The following UBE4B variants were observed in gnomAD, a reference collection of about 807,000 sequenced individuals.
The protein encoded by UBE4B is ubiquitination factor E4B.
UBE4B carries 27 observed loss-of-function variants against 148.1 expected under a neutral mutation model. The ratio of observed to expected loss-of-function variants is 0.18; its 90% CI spans 0.13 to 0.25. UBE4B has a LOEUF of 0.25. Ranked by LOEUF, UBE4B falls within the 10% of genes least tolerant of loss-of-function variation. The probability of loss-of-function intolerance (pLI) is 1.00; values close to 1 mark genes in which losing one functional copy is unlikely to be tolerated. For synonymous variants in UBE4B, 596 were observed against 619.3 expected (o/e 0.96, Z 0.56); for missense variants, 1,170 against 1,662.4 (o/e 0.70, Z 5.15).
chr1:10,151,739 G>A (rs935748469), intron 21 of UBE4B, among the ~76,000 whole-genome samples, 178 bp downstream of exon 21: 1 of 152,108 alleles, frequency 6.6e-6, no homozygotes, highest in South Asian at 2.1e-4. Flanking sequence ...TGAGTAGTTA[G>A]GAATAGGACA....
At position 10,094,476 on chromosome 1, in the gene UBE4B, C is replaced by G. The variant is rs1644897797; in HGVS notation, c.212-985C>G. Among the ~76,000 whole-genome samples, 4 of 151,334 alleles carry G rather than the reference C, an allele frequency of 2.6e-5. No homozygotes were observed. The South Asian group carries it at 8.3e-4, about 32-fold the overall frequency. On this transcript the variant is annotated intron_variant, in intron 2 of 27. Transcript: ENST00000343090. ...TTAGACGGAGTCTTGCTCTGTTGCC[C>G]AGGCTGGAGTGCAATGGCGCAATCT...
chr1:10,048,874 A>G (rs1443779553), intron 1 of UBE4B, among the ~76,000 whole-genome samples: 1 of 152,178 alleles, frequency 6.6e-6, no homozygotes, highest in Admixed American at 6.5e-5. Context: ...AGGTGACAGG[A>G]AAATGTGGTG....
intron 11 of UBE4B, chr1:10,128,308 TTCATTTTGTGC>T (rs1645535582): frequency 1.3e-5 from 2 of 152,242 alleles, no homozygotes; most frequent in African/African-American, 4.8e-5. Context: ...AGACAGTGAT[TTCATTTTGTGC>T]CATTATTGAT....
chr1:10,173,963 C>G (rs1557617962), intron 25 of UBE4B, among the ~76,000 whole-genome samples: 1 of 152,178 alleles, frequency 6.6e-6, no homozygotes, highest in Non-Finnish European at 1.5e-5. Flanking sequence ...CCTCTGGTGG[C>G]ACCTGGCTTG....
At chr1:10,130,901 G>A in intron 14 of UBE4B, 88 bp downstream of exon 14, 2 of 1,160,392 alleles carry the variant, frequency 1.7e-6, no homozygotes, top group South Asian at 2.6e-5. Context: ...ACTATGCCCA[G>A]TAGACAAACG....
chr1:10,138,804 C>CTA lies in UBE4B; in HGVS notation c.2363+1599_2363+1600insTA, dbSNP rs1645738299. 1.1e-4 allele frequency among the ~76,000 whole-genome samples: 16 copies of CTA among 152,176 alleles called. No individual in the cohort carries two copies. In the South Asian group the frequency reaches 3.3e-3, roughly 32 times the overall value. ...TTATTTCAATAGTTAGTTCCCTTAG[C>CTA]ACTGGTTGAATTTTATTAAATACTT... On this transcript the variant is annotated intron_variant, in intron 17 of 27. Coordinates refer to ENST00000343090, the MANE Select transcript of UBE4B (RefSeq NM_001105562.3).
At chr1:10,034,389 C>T (rs12082994) in intron 1 of UBE4B, among the ~76,000 whole-genome samples, 1 of 151,960 alleles carries the variant, frequency 6.6e-6, no homozygotes, top group African/African-American at 2.4e-5. Flanking sequence ...AAATGACTTT[C>T]TAAACTCTCT....
At chr1:10,073,918 C>CTTTTTTTTTTTT (rs1167412492) in intron 2 of UBE4B, among the ~76,000 whole-genome samples, 1 of 130,642 alleles carries the variant, frequency 7.7e-6, no homozygotes, top group African/African-American at 2.9e-5. Context: ...TTCTTTCTTT[C>CTTTTTTTTTTTT]TATTTTTTTT....
chr1:10,088,863 G>C (rs1319345096), intron 2 of UBE4B, among the ~76,000 whole-genome samples: 1 of 151,560 alleles, frequency 6.6e-6, no homozygotes, highest in African/African-American at 2.4e-5. Flanking sequence ...ATTATTTGTA[G>C]AGATGGGGTC....
chr1:10,111,453 A>G (rs1476970519), intron 7 of UBE4B, among the ~76,000 whole-genome samples: 1 of 152,030 alleles, frequency 6.6e-6, no homozygotes, highest in Non-Finnish European at 1.5e-5. Context: ...CCTCAGGTCT[A>G]TCAGAGGGTG....
At chr1:10,051,609 C>G (rs867933125) in intron 1 of UBE4B, among the ~76,000 whole-genome samples, 1 of 152,262 alleles carries the variant, frequency 6.6e-6, no homozygotes, top group South Asian at 2.1e-4. Context: ...ACTGCTACCA[C>G]TTTTTCTAAA....
intron 2 of UBE4B, among the ~76,000 whole-genome samples, chr1:10,082,632 CTTTTTTTTTT>C (rs5772395): frequency 9.4e-6 from 1 of 105,922 alleles, no homozygotes; most frequent in Non-Finnish European, 1.9e-5. Flanking sequence ...AAGAAGGCGA[CTTTTTTTTTT>C]TTTTTTTTTT....
chr1:10,119,170 C>G (rs1033076137), intron 8 of UBE4B, among the ~76,000 whole-genome samples: 3 of 152,032 alleles, frequency 2.0e-5, no homozygotes, highest in African/African-American at 7.2e-5. Context: ...CGTGAGCCAC[C>G]GTGCCCGGCC....
chr1:10,046,197 T>C (rs1377247896), intron 1 of UBE4B, among the ~76,000 whole-genome samples: 1 of 152,206 alleles, frequency 6.6e-6, no homozygotes. Flanking sequence ...CCAAGTCACA[T>C]GGCCACAGCT....
In UBE4B at chr1:10,086,703, T is replaced by C. The variant is rs561906539; in HGVS notation, c.212-8758T>C. On this transcript the variant is annotated intron_variant, in intron 2 of 27. Coordinates refer to ENST00000343090, the MANE Select transcript of UBE4B (RefSeq NM_001105562.3). ...GGGATAAGGTTCCCTCTCTCTTTTC[T>C]CTTTTTTTTTTGAGATGTAGTCTCA... Among the ~76,000 whole-genome samples the C allele has an allele frequency of 8.0e-4, 122 of 152,112 alleles. 1 individual carries two copies. Among genetic ancestry groups the C allele is most frequent in the Middle Eastern group, 6.8e-3 (2 of 294 alleles).
chr1:10,068,993 C>CT (rs1644439255), intron 1 of UBE4B, among the ~76,000 whole-genome samples: 2 of 152,234 alleles, frequency 1.3e-5, no homozygotes, highest in African/African-American at 4.8e-5. Flanking sequence ...GCCTCTGTCT[C>CT]TTAACTCTTT....
At chr1:10,117,978 G>C (rs1645342008) in intron 8 of UBE4B, among the ~76,000 whole-genome samples, 1 of 152,186 alleles carries the variant, frequency 6.6e-6, no homozygotes, top group South Asian at 2.1e-4. Flanking sequence ...GTCGACATTA[G>C]CTTGTATCCT....
intron 1 of UBE4B, among the ~76,000 whole-genome samples, chr1:10,051,061 C>A (rs1203801373): frequency 6.6e-6 from 1 of 152,078 alleles, no homozygotes; most frequent in Non-Finnish European, 1.5e-5. Context: ...GGCTGGAGTG[C>A]AGTGGCATTA....
chr1:10,038,140 C>T (rs1437845637), intron 1 of UBE4B, among the ~76,000 whole-genome samples: 2 of 151,892 alleles, frequency 1.3e-5, no homozygotes, highest in Admixed American at 6.6e-5. Flanking sequence ...ATTAGCTGGG[C>T]GTGGTGGCAC....
Sources: allele counts gnomAD v4.1 joint callset (sites outside exome capture counted in the v4.1 genomes callset), GRCh38; gene constraint gnomAD v4.1.1; transcripts MANE v1.5; gene names NCBI Gene and HGNC (gene_info 2026-07-23, HGNC 2026-07-21).